Variants in TENM3 observed in about 807,000 individuals in gnomAD.
The protein encoded by TENM3 is teneurin transmembrane protein 3, also known as teneurin-3.
In TENM3, 63 loss-of-function variants were observed where a neutral mutation model predicts 255.1. The observed-to-expected ratio is 0.25, with a 90% CI of 0.20 to 0.30. TENM3 has a LOEUF of 0.30. TENM3 is among the 10% of genes least tolerant of loss of function. The pLI is 1.00. For synonymous variants in TENM3, 1,306 were observed against 1,322.3 expected, an observed-to-expected ratio of 0.99 and a Z score of 0.27; for missense variants, 2,929 against 3,461.1, an observed-to-expected ratio of 0.85 and a Z score of 3.86.
At chr4:181,727,020 C>T in the TENM3 span, among the ~76,000 whole-genome samples, 57 of 152,284 alleles carry the variant, frequency 3.7e-4, no homozygotes, top group Admixed American at 1.6e-3. Context: ...CGGGGAGGGA[C>T]GTCACCCTCC....
the TENM3 span, among the ~76,000 whole-genome samples, chr4:181,745,436 C>T: frequency 2.6e-5 from 4 of 151,922 alleles, no homozygotes; most frequent in Admixed American, 6.6e-5. Context: ...TTTAAAGAAC[C>T]GTATTAATAT....
Position 182,680,438 on chromosome 4 carries a change from G to GT in TENM3, c.1639+89_1639+90insT, listed in dbSNP as rs376211651. 3.3e-4 allele frequency: 425 copies of GT among 1,286,940 alleles called. 2 individuals carry two copies. Among genetic ancestry groups the GT allele is most frequent in the Non-Finnish European group, 4.1e-4 (379 of 932,864 alleles). 79.7% of individuals were successfully genotyped at this position (1,286,940 alleles called of 1,614,324 possible). ...AAAAACTACCGAGACAGGAAAGAAA[G>GT]GGGGGGGGAGACTGGCATATTGCTT... On this transcript the variant is annotated intron_variant, in intron 9 of 27. Coordinates refer to ENST00000511685, the MANE Select transcript of TENM3 (RefSeq NM_001080477.4).
chr4:181,618,310 G>A, the TENM3 span, among the ~76,000 whole-genome samples: 1 of 152,124 alleles, frequency 6.6e-6, no homozygotes, highest in African/African-American at 2.4e-5. Context: ...AGCTGTGTCC[G>A]CTCTGCAGCA....
intron 3 of TENM3, among the ~76,000 whole-genome samples, chr4:182,470,912 A>G (rs73872406): frequency 0.023 from 3,569 of 152,282 alleles, 137 homozygotes; most frequent in African/African-American, 0.079. Context: ...TCAGGAAATT[A>G]GATTTGTTGC....
At chr4:181,782,856 T>G in the TENM3 span, among the ~76,000 whole-genome samples, 1 of 152,208 alleles carries the variant, frequency 6.6e-6, no homozygotes, top group Non-Finnish European at 1.5e-5. Context: ...ACATCTTTAT[T>G]TCTGCCTTCA....
At chr4:181,848,746 G>A in the TENM3 span, among the ~76,000 whole-genome samples, 2 of 152,214 alleles carry the variant, frequency 1.3e-5, no homozygotes, top group South Asian at 4.2e-4. Context: ...AATAAATTGA[G>A]GGATGTAAGA....
At chr4:181,628,260 A>G in the TENM3 span, among the ~76,000 whole-genome samples, 1 of 152,108 alleles carries the variant, frequency 6.6e-6, no homozygotes, top group African/African-American at 2.4e-5. Flanking sequence ...TAGATCGCAA[A>G]TATTTTCTCC....
chr4:182,500,632 A>G (rs1736216121), intron 3 of TENM3, among the ~76,000 whole-genome samples: 1 of 16,076 alleles, frequency 6.2e-5, no homozygotes. Context: ...AATTTAAGTA[A>G]ATAATTAGAA....
chr4:181,800,588 G>T, the TENM3 span, among the ~76,000 whole-genome samples: 1 of 152,126 alleles, frequency 6.6e-6, no homozygotes, highest in Non-Finnish European at 1.5e-5. Flanking sequence ...AGCCGAGATT[G>T]CACCACTGCA....
chr4:182,384,413 T>C (rs1767770623), intron 3 of TENM3, among the ~76,000 whole-genome samples: 2 of 152,188 alleles, frequency 1.3e-5, no homozygotes, highest in Non-Finnish European at 2.9e-5. Context: ...TGAGGAGTTT[T>C]ATTATGTATG....
intron 22 of TENM3, among the ~76,000 whole-genome samples, chr4:182,767,854 G>A (rs2152782624): frequency 6.6e-6 from 1 of 152,292 alleles, no homozygotes; most frequent in Admixed American, 6.5e-5. Flanking sequence ...ATCCCATCTG[G>A]AGGCCTTCAG....
chr4:182,173,173 C>G (rs760690099), intron 1 of TENM3, among the ~76,000 whole-genome samples: 9 of 152,194 alleles, frequency 5.9e-5, no homozygotes, highest in South Asian at 2.1e-4. Context: ...TTTATGGAGT[C>G]AACAAATGTT....
chr4:181,674,132 A>C, the TENM3 span, among the ~76,000 whole-genome samples: 1 of 152,070 alleles, frequency 6.6e-6, no homozygotes, highest in Admixed American at 6.6e-5. Flanking sequence ...AGTAGCTGGG[A>C]CTACAGGCAC....
intron 1 of TENM3, among the ~76,000 whole-genome samples, chr4:182,184,975 C>G (rs149239835): frequency 1.1e-3 from 171 of 151,984 alleles, no homozygotes; most frequent in Middle Eastern, 6.8e-3. Context: ...CCTAGTAACT[C>G]AGGAGGCTGA....
chr4:182,374,005 C>A (rs1767015058), intron 3 of TENM3, among the ~76,000 whole-genome samples: 1 of 152,042 alleles, frequency 6.6e-6, no homozygotes, highest in Non-Finnish European at 1.5e-5. Flanking sequence ...GACTACAAAG[C>A]TGAAAAACAA....
At position 182,754,758 on chromosome 4, in the gene TENM3, G is replaced by A; in HGVS notation, c.4391G>A (p.Gly1464Asp). The A allele has an allele frequency of 6.2e-7, 1 of 1,614,062 alleles. No homozygotes were observed. The highest frequency in any genetic ancestry group is 1.3e-5 in the African/African-American group (1 of 75,060). The change falls in exon 22 of 28, where the codon GGC becomes GAC. Residue 1464 changes from glycine (G) to aspartate (D), a missense_variant. Transcript: ENST00000511685. This position sits in a 1 kb window ranked among gnomAD's most constrained non-coding sequence, Gnocchi z 5.1. ...ANCDCYQSGDGYAKDAKLSAP... is the reference protein window; with the variant it reads ...ANCDCYQSGDDYAKDAKLSAP... ...TGTGACTGTTACCAGAGTGGAGATG[G>A]CTACGCCAAGGATGCCAAACTCAGT... is the stretch of plus-strand genomic sequence containing the variant.
intron 22 of TENM3, among the ~76,000 whole-genome samples, chr4:182,768,188 C>G (rs967097565): frequency 6.6e-6 from 1 of 152,150 alleles, no homozygotes; most frequent in Admixed American, 6.6e-5. Flanking sequence ...TAAAGCTGTG[C>G]TCTCATTTAC....
intron 20 of TENM3, 68 bp from the exon 21 acceptor site, chr4:182,753,381 TG>T: frequency 7.5e-7 from 1 of 1,327,304 alleles, no homozygotes; most frequent in South Asian, 1.3e-5. Flanking sequence ...AGTTTAATAA[TG>T]GGCCTAATAG....
At chr4:182,492,111 G>A (rs1057151315) in intron 3 of TENM3, among the ~76,000 whole-genome samples, 1 of 152,142 alleles carries the variant, frequency 6.6e-6, no homozygotes, top group South Asian at 2.1e-4. Flanking sequence ...CAAAATAAGA[G>A]ACAATAAGGG....
Sources: allele counts gnomAD v4.1 joint callset (sites outside exome capture counted in the v4.1 genomes callset), GRCh38; gene constraint gnomAD v4.1.1; non-coding constraint Gnocchi (gnomAD v3.1); transcripts MANE v1.5; gene names NCBI Gene and HGNC (gene_info 2026-07-23, HGNC 2026-07-21).